ZNF432: variants seen among roughly 807,000 people sequenced by gnomAD.
ZNF432 encodes the protein zinc finger protein 432.
A neutral mutation model predicts 13.9 loss-of-function variants in ZNF432; 10 were observed. The ratio of observed to expected loss-of-function variants is 0.72; its 90% confidence interval spans 0.44 to 1.22. ZNF432 has a LOEUF of 1.22. Ranked by LOEUF, ZNF432 falls within the 50% of genes most tolerant of loss-of-function variation. ZNF432 has a pLI of 0.00. For synonymous variants in ZNF432, 247 were observed against 256.2 expected, an observed-to-expected ratio of 0.96 and a Z score of 0.34; for missense variants, 793 against 796.2, an observed-to-expected ratio of 1.00 and a Z score of 0.05.
At chr19:52,041,256 TTA>T (rs1473095042) in intron 3 of ZNF432, among the ~76,000 whole-genome samples, 2 of 152,158 alleles carry the variant, frequency 1.3e-5, no homozygotes, top group African/African-American at 2.4e-5. Flanking sequence ...CAATGCCATT[TTA>T]TATGAGACTT....
At chr19:52,042,956 T>C (rs1362126179) in intron 2 of ZNF432, among the ~76,000 whole-genome samples, 1 of 152,220 alleles carries the variant, frequency 6.6e-6, no homozygotes, top group Non-Finnish European at 1.5e-5. Flanking sequence ...GAATAATGTC[T>C]TCAATGTCCT....
chr19:52,045,964 G>A (rs1043838193), intron 2 of ZNF432, among the ~76,000 whole-genome samples: 10 of 147,566 alleles, frequency 6.8e-5, no homozygotes, highest in African/African-American at 2.0e-4. Flanking sequence ...ACTGCACTCC[G>A]GCTTGGGCAA....
rs768693341 is a variant in ZNF432, at chr19:52,034,486, T to C, written c.1193A>G (p.Glu398Gly). ...MIEHQRTHTG[E>G]KPYICSECGK... ...ACATTCACTGCATATGTAGGGTTTCTCTCCTGTATGAGTTCGTTGATGTTC... is the reference window on the plus strand; with the variant it reads ...ACATTCACTGCATATGTAGGGTTTCCCTCCTGTATGAGTTCGTTGATGTTC... Residue 398 changes from glutamate (E) to glycine (G), a missense_variant, in exon 5 of 5, where the codon GAG (glutamate) becomes GGG (glycine). Physicochemically the swap from Glu to Gly is moderately conservative, Grantham distance 98 (BLOSUM62 -2). Transcript: ENST00000221315. The C allele has an allele frequency of 2.5e-6, 4 of 1,614,038 alleles. No homozygotes were observed. The South Asian group carries it at 4.4e-5, about 18-fold the overall frequency.
rs771784760 is a variant in ZNF432, at chr19:52,046,853, C to G, written c.15+1G>C. The G allele has an allele frequency of 2.5e-6, 4 of 1,613,564 alleles. No homozygotes were observed. The highest frequency in any genetic ancestry group is 2.7e-5 in the African/African-American group (2 of 74,908). On this transcript the variant is annotated splice_donor_variant, in intron 2 of 4. Transcript: ENST00000221315. LOFTEE classifies it high-confidence loss of function. ...AGAGAATAAAATAGAGAAAAAGTCA[C>G]CTGGGCATTGATCATTTTCTTCTGT...
At chr19:52,039,843 A>G (rs1306385786) in intron 4 of ZNF432, among the ~76,000 whole-genome samples, 9 of 150,740 alleles carry the variant, frequency 6.0e-5, no homozygotes, top group African/African-American at 1.5e-4. Context: ...AAAAAAAAAA[A>G]AAAGAAAAGA....
intron 1 of ZNF432, among the ~76,000 whole-genome samples, chr19:52,047,649 C>T (rs528170372): frequency 2.3e-3 from 325 of 141,298 alleles, no homozygotes; most frequent in African/African-American, 8.1e-3. Flanking sequence ...CAAGCCTGGG[C>T]GACAAAAGCA....
At position 52,040,602 on chromosome 19, in the gene ZNF432, A is replaced by G; in HGVS notation, c.143-19T>C. 1 of 1,605,076 alleles carries G rather than the reference A, an allele frequency of 6.2e-7. No homozygotes were observed. The highest frequency in any genetic ancestry group is 1.1e-5 in the South Asian group (1 of 90,932). On this transcript the variant is annotated intron_variant, in intron 3 of 4. Coordinates refer to ENST00000221315, the MANE Select transcript of ZNF432 (RefSeq NM_014650.4). ...TGATAACCTGTTTACGGGAAATAAT[A>G]GAAGACAGACACACTGGATTGGGCT...
chr19:52,034,586 G>A lies in ZNF432; in HGVS notation c.1093C>T (p.Arg365Ter), dbSNP rs748109813. ...TATGGTTTCTCTCCTGTATGATTTC[G>A]TTGATGTATGATGACATAGTGTTTT... is the stretch of plus-strand genomic sequence containing the variant. ...TTKHYVIIHQ[R>*]NHTGEKPYIC... is the part of the protein sequence containing the mutation. The change falls in exon 5 of 5, where the codon CGA becomes TGA. Residue 365 changes from arginine (R) to a stop codon, truncating the protein, a stop_gained. Coordinates refer to ENST00000221315, the MANE Select transcript of ZNF432 (RefSeq NM_014650.4). LOFTEE classifies it low-confidence loss of function (END_TRUNC). The A allele has an allele frequency of 4.3e-6, 7 of 1,611,360 alleles. No homozygotes were observed. Among genetic ancestry groups the A allele is most frequent in the South Asian group, 3.3e-5 (3 of 90,946 alleles).
chr19:52,041,703 T>C (rs2087138513), intron 2 of ZNF432, 97 bp from the exon 3 acceptor site: 6 of 1,422,364 alleles, frequency 4.2e-6, no homozygotes, highest in Non-Finnish European at 5.9e-6. Context: ...ATTAAACATA[T>C]AGACTGCATC....
chr19:52,040,381 C>T (rs534817768), intron 4 of ZNF432, 107 bp downstream of exon 4: 7 of 974,626 alleles, frequency 7.2e-6, no homozygotes, highest in South Asian at 1.3e-5. Context: ...GGAGGGAAAA[C>T]GATTCCCATT....
At chr19:52,048,596 A>ACCCCCCCCCCCCCCCCCCCCCCCCCCC (rs2087218098) in intron 1 of ZNF432, 99 bp downstream of exon 1, 1 of 126,112 alleles carries the variant, frequency 7.9e-6, no homozygotes, top group Admixed American at 8.0e-5. Context: ...GCCTCCCCCA[A>ACCCCCCCCCCCCCCCCCCCCCCCCCCC]CCCCCGCGCT....
At chr19:52,040,221 C>G (rs751483035) in intron 4 of ZNF432, 8 of 475,360 alleles carry the variant, frequency 1.7e-5, no homozygotes, top group Non-Finnish European at 3.1e-5. Flanking sequence ...ACAGTCCTTT[C>G]TAGGTAAACA....
rs371257923 is a variant in ZNF432, at chr19:52,033,758, T to G, written c.1921A>C (p.Ile641Leu). 6.2e-7 allele frequency: 1 copy of G among 1,604,654 alleles called. No homozygotes were observed. Among genetic ancestry groups the G allele is most frequent in the African/African-American group, 1.3e-5 (1 of 74,458 alleles). ...RKAFSSKRNL[I>L]VHQRTHNGNK... The stretch of plus-strand genomic sequence containing the variant: ...CCATTATGAGTTCGCTGATGTACAA[T>G]GAGATTTCTCTTTGAGGAGAAGGCT... The change falls in exon 5 of 5, where the codon ATT (isoleucine) becomes CTT (leucine). Residue 641 changes from isoleucine (I) to leucine (L), a missense_variant. Coordinates refer to ENST00000221315, the MANE Select transcript of ZNF432 (RefSeq NM_014650.4).
Position 52,041,613 on chromosome 19 carries a change from GAA to G in ZNF432, c.16-9_16-8del. ...CCTCCAGTGTCAGCAATTCCTGTAAGAAAACAGAGCCTTGCTTAATAGGAAGT... is the reference window on the plus strand; with the variant it reads ...CCTCCAGTGTCAGCAATTCCTGTAAGAACAGAGCCTTGCTTAATAGGAAGT... On this transcript the variant is annotated splice_region_variant and splice_polypyrimidine_tract_variant and intron_variant, in intron 2 of 4. Transcript: ENST00000221315. 1 of 1,614,054 alleles carries G rather than the reference GAA, an allele frequency of 6.2e-7. No homozygotes were observed. Among genetic ancestry groups the G allele is most frequent in the Non-Finnish European group, 8.5e-7 (1 of 1,179,974 alleles).
Position 52,034,629 on chromosome 19 carries a change from A to G in ZNF432, c.1050T>C (p.Cys350=). The G allele has an allele frequency of 6.2e-7, 1 of 1,613,570 alleles. No individual in the cohort carries two copies. Residue 350 remains cysteine (C), a synonymous_variant, in exon 5 of 5, where the codon TGT becomes TGC. Coordinates refer to ENST00000221315, the MANE Select transcript of ZNF432 (RefSeq NM_014650.4). ...AGTGTTTTGTGGTGAAGCCTTTCCC[A>G]CATTCACTACAGATGTAGGGCTTCT... ...TGEKPYICSE[C]GKGFTTKHYV...
intron 2 of ZNF432, 69 bp from the exon 3 acceptor site, chr19:52,041,675 G>A (rs1048483544): frequency 1.9e-6 from 3 of 1,601,610 alleles, no homozygotes; most frequent in African/African-American, 2.7e-5. Context: ...GAAAGTGAAG[G>A]GAAGTTGTCC....
chr19:52,034,475 T>C lies in ZNF432; in HGVS notation c.1204A>G (p.Ile402Val). 1.2e-6 allele frequency: 2 copies of C among 1,614,108 alleles called. No individual in the cohort carries two copies. The highest frequency in any genetic ancestry group is 1.7e-6 in the Non-Finnish European group (2 of 1,180,010). Residue 402 changes from isoleucine to valine, a missense_variant, in exon 5 of 5, where the codon ATA becomes GTA. Physicochemically the swap from Ile to Val is conservative, Grantham distance 29. Transcript: ENST00000221315. ...QRTHTGEKPY[I>V]CSECGKGFPR... ...AAGCCTTTTCCACATTCACTGCATA[T>C]GTAGGGTTTCTCTCCTGTATGAGTT...
intron 1 of ZNF432, among the ~76,000 whole-genome samples, chr19:52,048,369 G>A (rs1483830670): frequency 6.6e-6 from 1 of 151,992 alleles, no homozygotes; most frequent in East Asian, 1.9e-4. Context: ...CACATTCGTT[G>A]ACAAAAGCCA....
At position 52,034,204 on chromosome 19, in the gene ZNF432, T is replaced by C; in HGVS notation, c.1475A>G (p.Lys492Arg). 8 of 1,614,166 alleles carry C rather than the reference T, an allele frequency of 5.0e-6. No individual in the cohort carries two copies. The highest frequency in any genetic ancestry group is 5.9e-6 in the Non-Finnish European group (7 of 1,180,014). ...CAGTCCGCTATTCACAATGAAACCT[T>C]TCCCACATTCACTGCACCTGTAAGG... ...EKPYRCSECGKGFIVNSGLML... is the reference protein window; with the variant it reads ...EKPYRCSECGRGFIVNSGLML... Residue 492 changes from lysine (K) to arginine (R), a missense_variant, in exon 5 of 5, where the codon AAA (lysine) becomes AGA (arginine). By Grantham distance (26) the Lys-to-Arg change is conservative. Coordinates refer to ENST00000221315, the MANE Select transcript of ZNF432 (RefSeq NM_014650.4).
Sources: allele counts gnomAD v4.1 joint callset (sites outside exome capture counted in the v4.1 genomes callset), GRCh38; gene constraint gnomAD v4.1.1; transcripts MANE v1.5; gene names NCBI Gene and HGNC (gene_info 2026-07-23, HGNC 2026-07-21).